ITPK1: variants seen among roughly 807,000 people sequenced by gnomAD.
The protein encoded by ITPK1 is inositol-tetrakisphosphate 1-kinase, also known as inositol 1,3,4-trisphosphate 5/6-kinase.
A neutral mutation model predicts 45.3 loss-of-function variants in ITPK1; 21 were observed. The ratio of observed to expected loss-of-function variants is 0.46; its 90% CI spans 0.33 to 0.67. ITPK1 has a LOEUF of 0.67. ITPK1 is among the 30% of genes least tolerant of loss of function. The probability of loss-of-function intolerance (pLI) is 0.02; values close to 1 mark genes in which losing one functional copy is unlikely to be tolerated. For synonymous variants in ITPK1, 258 were observed against 253.6 expected, an observed-to-expected ratio of 1.02 and a Z score of -0.16; for missense variants, 474 against 573.5, an observed-to-expected ratio of 0.83 and a Z score of 1.77.
intron 3 of ITPK1, among the ~76,000 whole-genome samples, chr14:93,035,410 C>A (rs1889272705): frequency 6.6e-6 from 1 of 152,196 alleles, no homozygotes; most frequent in South Asian, 2.1e-4. Context: ...GTAAGCTGAG[C>A]CTTGAAGGAC....
rs117777554 is a variant in ITPK1, at chr14:93,038,026, T to A, written c.121-21225A>T. On this transcript the variant is annotated intron_variant, in intron 3 of 10. Coordinates refer to ENST00000267615, the MANE Select transcript of ITPK1 (RefSeq NM_014216.6). Reference sequence around the variant, plus strand: ...ATCCTACTTTTTAATTAACAAACTATAAGGAATATATTCCTGTGACATGAC... The same window carrying A: ...ATCCTACTTTTTAATTAACAAACTAAAAGGAATATATTCCTGTGACATGAC... 7.8e-3 allele frequency among the ~76,000 whole-genome samples: 1,190 copies of A among 152,300 alleles called. 12 individuals carry two copies. Among genetic ancestry groups the A allele is most frequent in the Admixed American group, 0.012 (182 of 15,298 alleles).
chr14:93,001,110 T>G (rs1462362082), intron 4 of ITPK1, among the ~76,000 whole-genome samples: 1 of 147,342 alleles, frequency 6.8e-6, no homozygotes, highest in Non-Finnish European at 1.5e-5. Context: ...CTGGCCAACA[T>G]GGTGAAACCC....
chr14:92,938,810 T>C lies in ITPK1; in HGVS notation c.*2751A>G. On this transcript the variant is annotated 3_prime_UTR_variant, in exon 11 of 11. Transcript: ENST00000267615. ...TGGCACTCAGTTGGGGGGTTATGTT[T>C]GCAGAATCACATCACCATATAATCA... 1 of 567,546 alleles carries C rather than the reference T, an allele frequency of 1.8e-6. No homozygotes were observed. Among genetic ancestry groups the C allele is most frequent in the East Asian group, 3.0e-5 (1 of 33,706 alleles). 35.2% of individuals were successfully genotyped at this position (567,546 alleles called of 1,614,324 possible).
At chr14:92,994,693 C>T (rs1595119838) in intron 4 of ITPK1, among the ~76,000 whole-genome samples, 2 of 152,130 alleles carry the variant, frequency 1.3e-5, no homozygotes, top group South Asian at 4.1e-4. Flanking sequence ...GCGAAGGAGC[C>T]CACCCTTGCT....
At position 92,951,949 on chromosome 14, in the gene ITPK1, C is replaced by T. The variant is rs199902593; in HGVS notation, c.735G>A (p.Thr245=). ...VSKPESSSVL[T]ELDKIEGVFE... is the part of the protein sequence containing the mutation. Reference sequence around the variant, plus strand: ...CCATCCCAGCAGAGGGACCCACCTCCGTCAGGACCGATGACGACTCCGGCT... The same window carrying T: ...CCATCCCAGCAGAGGGACCCACCTCTGTCAGGACCGATGACGACTCCGGCT... The change falls in exon 9 of 11, where the codon ACG becomes ACA. Residue 245 remains threonine (T), a synonymous_variant. Transcript: ENST00000267615. The T allele has an allele frequency of 3.0e-4, 470 of 1,575,412 alleles. No individual in the cohort carries two copies. Among genetic ancestry groups the T allele is most frequent in the Middle Eastern group, 5.0e-4 (3 of 6,010 alleles).
At chr14:93,061,660 T>C (rs1890529590) in intron 3 of ITPK1, among the ~76,000 whole-genome samples, 1 of 152,348 alleles carries the variant, frequency 6.6e-6, no homozygotes, top group South Asian at 2.1e-4. Context: ...TTTGTTTATT[T>C]CACCAAGAAG....
At chr14:93,083,154 C>T (rs1312610766) in intron 2 of ITPK1, among the ~76,000 whole-genome samples, 1 of 152,138 alleles carries the variant, frequency 6.6e-6, no homozygotes, top group Non-Finnish European at 1.5e-5. Context: ...ACGTCCACGG[C>T]ATCCACGCCA....
intron 5 of ITPK1, among the ~76,000 whole-genome samples, chr14:92,963,141 A>G (rs1254569084): frequency 6.6e-6 from 1 of 152,254 alleles, no homozygotes; most frequent in Non-Finnish European, 1.5e-5. Context: ...CATTACAACT[A>G]CTACCCCACC....
intron 8 of ITPK1, among the ~76,000 whole-genome samples, 159 bp from the exon 9 acceptor site, chr14:92,952,172 C>T (rs1887988692): frequency 6.6e-6 from 1 of 152,226 alleles, no homozygotes; most frequent in South Asian, 2.1e-4. Context: ...CAGCCCTGGG[C>T]ACGGATGTGT....
intron 3 of ITPK1, among the ~76,000 whole-genome samples, chr14:93,033,422 CA>C (rs949616054): frequency 2.0e-5 from 3 of 152,174 alleles, no homozygotes; most frequent in Admixed American, 2.0e-4. Context: ...CCACAACAGC[CA>C]ATGCCCCCCA....
At chr14:93,024,875 A>T (rs1214756578) in intron 3 of ITPK1, among the ~76,000 whole-genome samples, 2 of 152,038 alleles carry the variant, frequency 1.3e-5, no homozygotes, top group East Asian at 3.9e-4. Context: ...CAGGAAGGGG[A>T]GTGGGCCGAC....
intron 3 of ITPK1, among the ~76,000 whole-genome samples, chr14:93,022,841 CAACAAA>C (rs1888539970): frequency 6.6e-6 from 1 of 151,294 alleles, no homozygotes; most frequent in Middle Eastern, 3.5e-3. Context: ...TCTTAAAAAA[CAACAAA>C]AACAAAAAAA....
rs190841595 is a variant in ITPK1, at chr14:92,968,278, C to A, written c.365-5429G>T. Reference sequence around the variant, plus strand: ...CCCGGGAGGCGGAGGTTGCAGTGAGCCAAGATCGCGTCACTGCACTCCAGC... The same window carrying A: ...CCCGGGAGGCGGAGGTTGCAGTGAGACAAGATCGCGTCACTGCACTCCAGC... On this transcript the variant is annotated intron_variant, in intron 5 of 10. Transcript: ENST00000267615. Among the ~76,000 whole-genome samples the A allele has an allele frequency of 4.2e-3, 646 of 152,138 alleles. 6 individuals carry two copies. The highest frequency in any genetic ancestry group is 0.015 in the African/African-American group (605 of 41,480).
intron 8 of ITPK1, among the ~76,000 whole-genome samples, chr14:92,956,529 G>A (rs576142334): frequency 6.6e-6 from 1 of 151,612 alleles, no homozygotes; most frequent in African/African-American, 2.4e-5. Context: ...CAGGATAGGA[G>A]CCCACACTCT....
In ITPK1 at chr14:93,076,528, G is replaced by A; in HGVS notation, c.120+67C>T. On this transcript the variant is annotated intron_variant, in intron 3 of 10. Coordinates refer to ENST00000267615, the MANE Select transcript of ITPK1 (RefSeq NM_014216.6). The surrounding 1 kb of genome is among the most constrained non-coding windows in gnomAD (Gnocchi z 4.3). ...TGCCCAATGCTGGAGGAGAGAAGGA[G>A]AGACAGAGAGGTGGGCACCAAGGGC... 1 of 1,554,508 alleles carries A rather than the reference G, an allele frequency of 6.4e-7. No homozygotes were observed. The highest frequency in any genetic ancestry group is 8.9e-7 in the Non-Finnish European group (1 of 1,126,546).
intron 10 of ITPK1, among the ~76,000 whole-genome samples, chr14:92,945,920 G>C (rs1202598871): frequency 2.0e-5 from 3 of 152,194 alleles, no homozygotes; most frequent in Admixed American, 1.3e-4. Context: ...CCACCAATGT[G>C]CTGTGGGGCC....
At chr14:93,099,687 G>A (rs1257883672) in intron 2 of ITPK1, among the ~76,000 whole-genome samples, 1 of 152,158 alleles carries the variant, frequency 6.6e-6, no homozygotes, top group Non-Finnish European at 1.5e-5. Context: ...CTTCGGGGCT[G>A]CCCATGCAGC....
At chr14:92,954,050 C>T (rs577384488) in intron 8 of ITPK1, among the ~76,000 whole-genome samples, 3 of 152,166 alleles carry the variant, frequency 2.0e-5, no homozygotes, top group African/African-American at 4.8e-5. Context: ...CCTGCCACCA[C>T]GCCTGGCTAA....
chr14:92,947,314 C>T (rs549915470), intron 9 of ITPK1, among the ~76,000 whole-genome samples: 23 of 152,384 alleles, frequency 1.5e-4, no homozygotes, highest in South Asian at 8.3e-4. Flanking sequence ...GCTGGTCAGG[C>T]CACCCTGCTC....
Sources: allele counts gnomAD v4.1 joint callset (sites outside exome capture counted in the v4.1 genomes callset), GRCh38; gene constraint gnomAD v4.1.1; non-coding constraint Gnocchi (gnomAD v3.1); transcripts MANE v1.5; gene names NCBI Gene and HGNC (gene_info 2026-07-23, HGNC 2026-07-21).